WLS: variants seen among roughly 807,000 people sequenced by gnomAD.
WLS encodes the protein protein wntless homolog.
A neutral mutation model predicts 62.8 loss-of-function variants in WLS; 23 were observed. The ratio of observed to expected loss-of-function variants is 0.37; its 90% CI spans 0.26 to 0.52. The LOEUF is 0.52. WLS is among the 20% of genes least tolerant of loss of function. The probability of loss-of-function intolerance (pLI) is 0.92; values close to 1 mark genes in which losing one functional copy is unlikely to be tolerated. For missense variants in WLS, 615 were observed against 697.3 expected (o/e 0.88, Z 1.33); for synonymous variants, 246 against 244.1 (o/e 1.01, Z -0.07).
At chr1:68,179,596 A>T (rs1647432852) in intron 2 of WLS, among the ~76,000 whole-genome samples, 1 of 152,210 alleles carries the variant, frequency 6.6e-6, no homozygotes, top group African/African-American at 2.4e-5. Flanking sequence ...CTTAACCAGA[A>T]ATCAGCTGGA....
chr1:68,174,595 C>T (rs1276592246), intron 2 of WLS, among the ~76,000 whole-genome samples: 2 of 152,150 alleles, frequency 1.3e-5, no homozygotes, highest in Non-Finnish European at 2.9e-5. Context: ...TCTGCTGCTC[C>T]TCCCTCAATA....
chr1:68,148,850 G>A (rs371419790), intron 6 of WLS, among the ~76,000 whole-genome samples, 190 bp from the exon 7 acceptor site: 8 of 152,112 alleles, frequency 5.3e-5, no homozygotes, highest in African/African-American at 1.9e-4. Flanking sequence ...GGGGAGTCTG[G>A]CACATACGTA....
At chr1:68,216,632 T>C (rs1436623627) in intron 1 of WLS, among the ~76,000 whole-genome samples, 1 of 139,734 alleles carries the variant, frequency 7.2e-6, no homozygotes, top group Non-Finnish European at 1.5e-5. Context: ...GCTGTGTTTC[T>C]AGCTGTTGAA....
intron 5 of WLS, among the ~76,000 whole-genome samples, chr1:68,151,236 A>G (rs1056821146): frequency 6.6e-6 from 1 of 152,214 alleles, no homozygotes; most frequent in Non-Finnish European, 1.5e-5. Context: ...GGATGGAGGC[A>G]TAGAGGCCTG....
chr1:68,205,146 G>A (rs543568593), intron 1 of WLS, among the ~76,000 whole-genome samples: 1 of 152,306 alleles, frequency 6.6e-6, no homozygotes, highest in South Asian at 2.1e-4. Flanking sequence ...GGCACTCAGT[G>A]ACAGTTTGGG....
intron 11 of WLS, among the ~76,000 whole-genome samples, chr1:68,129,536 T>C (rs1016627000): frequency 2.0e-5 from 3 of 152,186 alleles, no homozygotes; most frequent in Non-Finnish European, 4.4e-5. Context: ...ATAATTAATT[T>C]CTCTACTGTG....
At chr1:68,189,149 A>G (rs1648143506) in intron 2 of WLS, among the ~76,000 whole-genome samples, 1 of 152,184 alleles carries the variant, frequency 6.6e-6, no homozygotes, top group Non-Finnish European at 1.5e-5. Context: ...CCTGTTAGTC[A>G]CTTAGCAGCC....
At chr1:68,222,581 T>C (rs1649984997) in intron 1 of WLS, among the ~76,000 whole-genome samples, 1 of 152,154 alleles carries the variant, frequency 6.6e-6, no homozygotes, top group Non-Finnish European at 1.5e-5. Flanking sequence ...GAAGGACATA[T>C]ATCTTTGGGG....
rs17130573 is a variant in WLS, at chr1:68,199,901, G to A, written c.107-5674C>T. Among the ~76,000 whole-genome samples, 613 of 152,194 alleles carry A rather than the reference G, an allele frequency of 4.0e-3. 3 individuals carry two copies. Among genetic ancestry groups the A allele is most frequent in the East Asian group, 0.016 (83 of 5,170 alleles). ...AGCTCCCCGTCCTATTCCCACAAAT[G>A]GCCCCAAAGAGCCTTTGAAGTCTCA... is the stretch of plus-strand genomic sequence containing the variant. On this transcript the variant is annotated intron_variant, in intron 1 of 11. Transcript: ENST00000262348.
chr1:68,173,384 A>T (rs1333039338), intron 2 of WLS, among the ~76,000 whole-genome samples: 1 of 151,746 alleles, frequency 6.6e-6, no homozygotes, highest in Non-Finnish European at 1.5e-5. Flanking sequence ...AGCTGATTTG[A>T]TCGTTGTGAA....
chr1:68,110,690 T>TCC (rs1553123082), intron 11 of WLS, among the ~76,000 whole-genome samples: 1 of 149,252 alleles, frequency 6.7e-6, no homozygotes, highest in African/African-American at 2.5e-5. Context: ...TCTCTCTCTC[T>TCC]CCATATATAT....
intron 3 of WLS, 80 bp from the exon 4 acceptor site, chr1:68,155,340 A>G (rs1322750672): frequency 1.3e-6 from 2 of 1,501,222 alleles, no homozygotes; most frequent in East Asian, 4.6e-5. Flanking sequence ...CTGGATCCAT[A>G]ACATCAATTG....
chr1:68,144,470 C>G, intron 10 of WLS, 99 bp downstream of exon 10: 3 of 1,185,658 alleles, frequency 2.5e-6, no homozygotes, highest in Non-Finnish European at 3.5e-6. Context: ...GAATTATGGC[C>G]TCTCTCCTCC....
chr1:68,144,970 A>G (rs1646734220), intron 9 of WLS, among the ~76,000 whole-genome samples: 1 of 152,196 alleles, frequency 6.6e-6, no homozygotes, highest in African/African-American at 2.4e-5. Context: ...GTTCAAAGTT[A>G]CCAAATCCAA....
At position 68,232,504 on chromosome 1, in the gene WLS, A is replaced by G. The variant is rs1571053542; in HGVS notation, c.-205T>C. ...GGCGCAGCCGGCTCGGGTTCCCCCA[A>G]TGCCCGGAGCTGTGATTGTGGCCGC... is the stretch of plus-strand genomic sequence containing the variant. On this transcript the variant is annotated 5_prime_UTR_variant, in exon 1 of 12. Transcript: ENST00000262348. 13 of 1,091,738 alleles carry G rather than the reference A, an allele frequency of 1.2e-5. No individual in the cohort carries two copies. Among genetic ancestry groups the G allele is most frequent in the African/African-American group, 3.2e-5 (2 of 61,626 alleles). 67.6% of individuals were successfully genotyped at this position (1,091,738 alleles called of 1,614,324 possible).
At chr1:68,216,147 T>C (rs1649718172) in intron 1 of WLS, among the ~76,000 whole-genome samples, 1 of 152,186 alleles carries the variant, frequency 6.6e-6, no homozygotes, top group African/African-American at 2.4e-5. Flanking sequence ...CTATCACAAG[T>C]AGTTCATATT....
At chr1:68,182,779 A>C (rs1302503008) in intron 2 of WLS, among the ~76,000 whole-genome samples, 10 of 152,178 alleles carry the variant, frequency 6.6e-5, no homozygotes. Context: ...GGAGGAGAAC[A>C]AAGGGAGAAT....
At chr1:68,171,150 AT>A (rs1341438007) in intron 2 of WLS, among the ~76,000 whole-genome samples, 1 of 152,122 alleles carries the variant, frequency 6.6e-6, no homozygotes, top group African/African-American at 2.4e-5. Flanking sequence ...TCCACCAAAT[AT>A]TTTTGAGCAC....
chr1:68,101,897 A>G (rs1236125938), intron 11 of WLS, among the ~76,000 whole-genome samples: 1 of 152,192 alleles, frequency 6.6e-6, no homozygotes, highest in Non-Finnish European at 1.5e-5. Context: ...AATTTCAATA[A>G]CTTCATATAT....
Sources: allele counts gnomAD v4.1 joint callset (sites outside exome capture counted in the v4.1 genomes callset), GRCh38; gene constraint gnomAD v4.1.1; transcripts MANE v1.5; gene names NCBI Gene and HGNC (gene_info 2026-07-23, HGNC 2026-07-21).